TUSC3: variants seen among roughly 807,000 people sequenced by gnomAD.
TUSC3 encodes the protein tumor suppressor candidate 3, also known as dolichyl-diphosphooligosaccharide--protein glycosyltransferase subunit TUSC3.
TUSC3 carries 45 observed loss-of-function variants against 44.8 expected under a neutral mutation model. The ratio of observed to expected loss-of-function variants is 1.00; its 90% CI spans 0.79 to 1.29. The LOEUF (loss-of-function observed/expected upper bound fraction) is 1.29. Ranked by LOEUF, TUSC3 falls within the 50% of genes most tolerant of loss-of-function variation. The pLI is 0.00. For missense variants in TUSC3, 519 were observed against 437.9 expected (o/e 1.19, Z -1.65); for synonymous variants, 212 against 152.9 (o/e 1.39, Z -2.85).
At chr8:15,804,032 T>C in the TUSC3 span, among the ~76,000 whole-genome samples, 1 of 152,310 alleles carries the variant, frequency 6.6e-6, no homozygotes, top group Non-Finnish European at 1.5e-5. Flanking sequence ...GTCTTTATAG[T>C]AGAATGATTT....
At chr8:15,647,241 A>G (rs1204021629) in intron 2 of TUSC3, among the ~76,000 whole-genome samples, 1 of 152,170 alleles carries the variant, frequency 6.6e-6, no homozygotes, top group Non-Finnish European at 1.5e-5. Context: ...GTAGTAGGTT[A>G]TCATTATGAT....
chr8:15,461,137 G>T (rs1800339048), intron 1 of TUSC3, among the ~76,000 whole-genome samples: 2 of 152,060 alleles, frequency 1.3e-5, no homozygotes, highest in Non-Finnish European at 2.9e-5. Context: ...CATTTTCACA[G>T]TACTGACTCT....
In TUSC3 at chr8:15,490,832, CAAAG is replaced by C. The variant is rs1410586803; in HGVS notation, n.189+7353_189+7356del. 3.3e-5 allele frequency among the ~76,000 whole-genome samples: 5 copies of C among 152,234 alleles called. No individual in the cohort carries two copies. The East Asian group carries it at 9.6e-4, about 29-fold the overall frequency. On this transcript the variant is annotated intron_variant and non_coding_transcript_variant, in intron 2 of 5. Coordinates refer to the TUSC3 transcript ENST00000503191. ...CACAAGCTAGATTTGTGTTGTAAAT[CAAAG>C]AAAATCACTGAGGCAGGTCTAGTCA...
At chr8:15,611,946 T>G (rs569490231) in intron 1 of TUSC3, among the ~76,000 whole-genome samples, 38 of 152,308 alleles carry the variant, frequency 2.5e-4, no homozygotes, top group African/African-American at 8.7e-4. Flanking sequence ...TCATGTTTGG[T>G]TTATCGTTGG....
the TUSC3 span, among the ~76,000 whole-genome samples, chr8:15,810,304 C>T: frequency 6.6e-6 from 1 of 152,096 alleles, no homozygotes; most frequent in Admixed American, 6.6e-5. Flanking sequence ...ATATTTCCTC[C>T]TTGCCAATTC....
chr8:15,702,998 C>G (rs1337034229), intron 6 of TUSC3, among the ~76,000 whole-genome samples: 1 of 152,142 alleles, frequency 6.6e-6, no homozygotes, highest in Non-Finnish European at 1.5e-5. Context: ...AAACACCACA[C>G]AGTCGTGCAA....
chr8:15,847,408 A>C, the TUSC3 span, among the ~76,000 whole-genome samples: 1 of 152,078 alleles, frequency 6.6e-6, no homozygotes, highest in South Asian at 2.1e-4. Context: ...AAAATCTCTC[A>C]TTCACTCGAA....
chr8:15,807,137 T>C, the TUSC3 span: 1 of 991,840 alleles, frequency 1.0e-6, no homozygotes, highest in South Asian at 1.3e-5. Context: ...ACCTTTCAAG[T>C]CCACTTGGCA....
intron 6 of TUSC3, among the ~76,000 whole-genome samples, chr8:15,680,671 C>T (rs1808386693): frequency 3.3e-5 from 5 of 152,064 alleles, no homozygotes; most frequent in Admixed American, 3.3e-4. Context: ...TTCCAGTTCT[C>T]AGGGAGAATG....
chr8:15,841,182 T>TATAC, the TUSC3 span, among the ~76,000 whole-genome samples: 101 of 152,010 alleles, frequency 6.6e-4, 1 homozygote, highest in South Asian at 9.8e-3. Flanking sequence ...TATATATATA[T>TATAC]ACACACACAC....
chr8:15,745,021 TACAAGTGAGA>T (rs1218008578), intron 8 of TUSC3, among the ~76,000 whole-genome samples: 1 of 152,164 alleles, frequency 6.6e-6, no homozygotes, highest in Non-Finnish European at 1.5e-5. Flanking sequence ...AGCTCCCACT[TACAAGTGAGA>T]ACATGAGGTA....
rs146351550 is a variant in TUSC3, at chr8:15,663,883, C to G, written c.708+1587C>G. ...ATGCAGTACTTTCACTGTGTTGTTG[C>G]AAAATCAAAACTTCTTTGGTATTTA... On this transcript the variant is annotated intron_variant, in intron 5 of 10. Transcript: ENST00000503731. 4.9e-3 allele frequency among the ~76,000 whole-genome samples: 742 copies of G among 151,898 alleles called. 7 individuals are homozygous for G. The highest frequency in any genetic ancestry group is 0.017 in the African/African-American group (706 of 41,486).
the TUSC3 span, among the ~76,000 whole-genome samples, chr8:15,782,628 AAAC>A: frequency 6.6e-6 from 1 of 152,228 alleles, no homozygotes; most frequent in African/African-American, 2.4e-5. Context: ...GAACAAAGGA[AAAC>A]AATAATTTGA....
At chr8:15,567,907 G>T (rs1799971540) in intron 1 of TUSC3, among the ~76,000 whole-genome samples, 1 of 152,138 alleles carries the variant, frequency 6.6e-6, no homozygotes. Context: ...GGTAATGAAA[G>T]ACACATTGAG....
At chr8:15,559,006 G>A (rs981286068) in intron 1 of TUSC3, among the ~76,000 whole-genome samples, 2 of 147,668 alleles carry the variant, frequency 1.4e-5, no homozygotes, top group African/African-American at 2.5e-5. Context: ...ATTTCCTTCA[G>A]TTCTGCTCTG....
intron 1 of TUSC3, among the ~76,000 whole-genome samples, chr8:15,618,288 T>A (rs980435836): frequency 1.1e-4 from 17 of 152,234 alleles, no homozygotes; most frequent in Non-Finnish European, 1.8e-4. Flanking sequence ...GAACTTTTTT[T>A]AAAAGTTTTT....
chr8:15,624,078 C>G (rs1389535962), intron 2 of TUSC3, among the ~76,000 whole-genome samples: 1 of 151,996 alleles, frequency 6.6e-6, no homozygotes, highest in African/African-American at 2.4e-5. Flanking sequence ...TGGTACGTGA[C>G]CTTTTGGGTT....
At chr8:15,802,968 G>C in the TUSC3 span, among the ~76,000 whole-genome samples, 2 of 152,014 alleles carry the variant, frequency 1.3e-5, no homozygotes, top group East Asian at 1.9e-4. Flanking sequence ...GGCATAAAAA[G>C]GATTTATTTT....
In TUSC3 at chr8:15,662,141, A is replaced by G. The variant is rs186717319; in HGVS notation, c.568-15A>G. On this transcript the variant is annotated splice_polypyrimidine_tract_variant and intron_variant, in intron 4 of 10. Coordinates refer to ENST00000503731, the MANE Select transcript of TUSC3 (RefSeq NM_006765.4). ...TTTTTCTTTCATTTTTGAAATTTCT[A>G]TTGCATTTTTGCAGATTCGGGTTTT... The G allele has an allele frequency of 9.2e-5, 148 of 1,612,182 alleles. No homozygotes were observed. In the East Asian group the frequency reaches 1.9e-3, roughly 21 times the overall value.
Sources: gnomAD v4.1 joint callset for allele counts (sites outside exome capture counted in the v4.1 genomes callset) on GRCh38, gnomAD v4.1.1 for gene constraint, MANE v1.5 for transcripts, NCBI Gene and HGNC (gene_info 2026-07-23, HGNC 2026-07-21) for gene names.